RSPRY1: variants seen among roughly 807,000 people sequenced by gnomAD.
RSPRY1 encodes the protein ring finger and SPRY domain containing 1, also known as RING finger and SPRY domain-containing protein 1.
A neutral mutation model predicts 73.1 loss-of-function variants in RSPRY1; 23 were observed. The ratio of observed to expected loss-of-function variants is 0.31; its 90% CI spans 0.23 to 0.45. RSPRY1 has a LOEUF of 0.45. Ranked by LOEUF, RSPRY1 falls within the 20% of genes least tolerant of loss-of-function variation. RSPRY1 has a pLI of 1.00. For missense variants in RSPRY1, 448 were observed against 698.7 expected (o/e 0.64, Z 4.05); for synonymous variants, 226 against 251.4 (o/e 0.90, Z 0.95).
At chr16:57,221,225 G>C (rs1355123954) in intron 9 of RSPRY1, 47 bp from the exon 10 acceptor site, 2 of 1,601,676 alleles carry the variant, frequency 1.2e-6, no homozygotes, top group East Asian at 4.5e-5. Flanking sequence ...ATCTTTGGTG[G>C]TCTTCAGGCC....
Position 57,214,010 on chromosome 16 carries a change from G to A in RSPRY1, c.702+64G>A. ...AGAAGTGGGCATCATCTAGAACTGT[G>A]CATTTTCTCAAATTGCTGGCATAGC... On this transcript the variant is annotated intron_variant, in intron 6 of 14. Transcript: ENST00000394420. 3.6e-6 allele frequency: 4 copies of A among 1,120,546 alleles called. No homozygotes were observed. The South Asian group carries it at 3.8e-5, about 11-fold the overall frequency. The allele number at this position is 1,120,546 out of a possible 1,614,324, so 69.4% of individuals were successfully genotyped here.
chr16:57,186,252 G>T, upstream of RSPRY1: 1 of 864,764 alleles, frequency 1.2e-6, no homozygotes, highest in Non-Finnish European at 1.4e-6. Context: ...GGCTGTCAAG[G>T]AGAGGGCTTG....
At chr16:57,197,701 AGTTTTTGTTTTTT>A (rs1456639683) in intron 1 of RSPRY1, among the ~76,000 whole-genome samples, 3 of 152,006 alleles carry the variant, frequency 2.0e-5, no homozygotes, top group Admixed American at 6.6e-5. Flanking sequence ...GTATTTAGTC[AGTTTTTGTTTTTT>A]GTTTTTGTTT....
At chr16:57,222,604 A>G (rs538765276) in intron 10 of RSPRY1, among the ~76,000 whole-genome samples, 32 of 152,304 alleles carry the variant, frequency 2.1e-4, no homozygotes, top group Non-Finnish European at 2.8e-4. Context: ...TACTGTTACA[A>G]TTTCCATTTC....
intron 3 of RSPRY1, among the ~76,000 whole-genome samples, chr16:57,208,400 A>T (rs9927890): frequency 0.57 from 28,629 of 49,942 alleles, 7,226 homozygotes; most frequent in Middle Eastern, 0.62. Context: ...ATATATATAT[A>T]TTTTTTTTTT....
At chr16:57,219,507 T>A (rs932877375) in intron 8 of RSPRY1, among the ~76,000 whole-genome samples, 2 of 152,220 alleles carry the variant, frequency 1.3e-5, no homozygotes, top group Non-Finnish European at 2.9e-5. Flanking sequence ...TTAATCAGAT[T>A]ATTGAATGTT....
chr16:57,214,627 A>G (rs567896306), intron 6 of RSPRY1, among the ~76,000 whole-genome samples: 26 of 152,380 alleles, frequency 1.7e-4, no homozygotes, highest in Admixed American at 1.4e-3. Flanking sequence ...TGGCAGTCCT[A>G]TGATTTCAAG....
In RSPRY1 at chr16:57,231,332, CCCAGGCTATCT is replaced by C; in HGVS notation, c.1529+18_1529+28del. On this transcript the variant is annotated intron_variant, in intron 13 of 14. Transcript: ENST00000394420. ...TCATTTTGCCAAGGTAAGGAATCTG[CCCAGGCTATCT>C]CCAGACTTTCACATGAATCTTATGA... 1 of 1,603,574 alleles carries C rather than the reference CCCAGGCTATCT, an allele frequency of 6.2e-7. No homozygotes were observed. Among genetic ancestry groups the C allele is most frequent in the East Asian group, 2.2e-5 (1 of 44,768 alleles).
chr16:57,213,446 A>G (rs1187544169), intron 5 of RSPRY1, among the ~76,000 whole-genome samples: 1 of 152,266 alleles, frequency 6.6e-6, no homozygotes, highest in Non-Finnish European at 1.5e-5. Context: ...CACACTTTAT[A>G]AAGTTTAGCT....
intron 1 of RSPRY1, among the ~76,000 whole-genome samples, chr16:57,202,072 A>T (rs1441167083): frequency 1.3e-5 from 2 of 152,294 alleles, no homozygotes; most frequent in African/African-American, 2.4e-5. Context: ...CCGTAATCCC[A>T]ATACTTGGGA....
chr16:57,229,991 C>T (rs1478856500), intron 11 of RSPRY1, among the ~76,000 whole-genome samples: 1 of 142,912 alleles, frequency 7.0e-6, no homozygotes, highest in Admixed American at 7.2e-5. Flanking sequence ...AGGCATGAAC[C>T]ACCACGCCCT....
At chr16:57,223,506 G>A (rs1157651534) in intron 10 of RSPRY1, among the ~76,000 whole-genome samples, 9 of 152,182 alleles carry the variant, frequency 5.9e-5, no homozygotes, top group East Asian at 3.8e-4. Context: ...TTGGCCAGGC[G>A]CAGTGGCTCA....
rs758749068 is a variant in RSPRY1 at position 57,235,243 on chromosome 16, A to G, written c.1634+15A>G. ...TGTGGACACAGGTAAGAGGATTTAT[A>G]TTAGGCAAAGTTTCATACTGTTCTT... On this transcript the variant is annotated intron_variant, in intron 14 of 14. Coordinates refer to ENST00000394420, the MANE Select transcript of RSPRY1 (RefSeq NM_133368.3). 1.3e-6 allele frequency: 2 copies of G among 1,569,594 alleles called. No homozygotes were observed. Among genetic ancestry groups the G allele is most frequent in the Non-Finnish European group, 1.8e-6 (2 of 1,139,580 alleles).
At chr16:57,218,443 T>C (rs1213333074) in intron 8 of RSPRY1, among the ~76,000 whole-genome samples, 1 of 152,188 alleles carries the variant, frequency 6.6e-6, no homozygotes, top group Non-Finnish European at 1.5e-5. Context: ...TTCTTCATTC[T>C]ATCTAGCTAT....
At chr16:57,212,916 G>C (rs2146287706) in intron 4 of RSPRY1, 56 bp from the exon 5 acceptor site, 1 of 1,546,864 alleles carries the variant, frequency 6.5e-7, no homozygotes. Flanking sequence ...AAATGAGCCT[G>C]GGAAAACAAC....
intron 12 of RSPRY1, 42 bp downstream of exon 12, chr16:57,230,855 G>A (rs1329218579): frequency 8.9e-7 from 1 of 1,127,254 alleles, no homozygotes; most frequent in Non-Finnish European, 1.3e-6. Context: ...TAGATGCACG[G>A]AATGCCCTTT....
intron 10 of RSPRY1, among the ~76,000 whole-genome samples, chr16:57,222,561 G>A (rs1444694529): frequency 1.3e-5 from 2 of 152,200 alleles, no homozygotes; most frequent in African/African-American, 4.8e-5. Context: ...CTAGACCCCA[G>A]TCTGCCAATC....
intron 14 of RSPRY1, among the ~76,000 whole-genome samples, chr16:57,236,829 A>G (rs1173122384): frequency 6.6e-6 from 1 of 152,168 alleles, no homozygotes; most frequent in African/African-American, 2.4e-5. Context: ...TAGCAACGCA[A>G]CTGGCAGGGG....
At chr16:57,196,873 T>C (rs1047359462) in intron 1 of RSPRY1, among the ~76,000 whole-genome samples, 29 of 152,240 alleles carry the variant, frequency 1.9e-4, no homozygotes, top group Non-Finnish European at 5.9e-5. Flanking sequence ...GCCATGCGTA[T>C]TACATGCATT....
Sources: gnomAD v4.1 joint callset for allele counts (sites outside exome capture counted in the v4.1 genomes callset) on GRCh38, gnomAD v4.1.1 for gene constraint, MANE v1.5 for transcripts, NCBI Gene and HGNC (gene_info 2026-07-23, HGNC 2026-07-21) for gene names.